FRMPD3: variants seen among roughly 807,000 people sequenced by gnomAD.
The protein encoded by FRMPD3 is FERM and PDZ domain-containing protein 3.
Under a neutral mutation model 97.9 loss-of-function variants are expected in FRMPD3, and 42 were observed. The observed-to-expected ratio is 0.43, with a 90% CI of 0.34 to 0.55. The LOEUF is 0.55. FRMPD3 is among the 20% of genes least tolerant of loss of function. FRMPD3 has a pLI of 0.03. For synonymous variants in FRMPD3, 577 were observed against 581.1 expected (o/e 0.99, Z 0.10); for missense variants, 1,303 against 1,457.7 (o/e 0.89, Z 1.73).
At position 107,598,775 on chromosome X, in the gene FRMPD3, G is replaced by A. The variant is rs540528456; in HGVS notation, c.2263+633G>A. On this transcript the variant is annotated intron_variant, in intron 14 of 14. Transcript: ENST00000683843. ...ACAAGGATTGAATGAGATCATTCATGCAAAGCATGTAAGCACTGCCTAGCA... is the reference window on the plus strand; with the variant it reads ...ACAAGGATTGAATGAGATCATTCATACAAAGCATGTAAGCACTGCCTAGCA... 2.7e-5 allele frequency among the ~76,000 whole-genome samples: 3 copies of A among 112,629 alleles called. No individual in the cohort carries two copies. In the Middle Eastern group the frequency reaches 0.014, roughly 514 times the overall value.
chrX:107,507,775 C>T (rs2147532811), intron 1 of FRMPD3, among the ~76,000 whole-genome samples: 1 of 112,436 alleles, frequency 8.9e-6, no homozygotes, highest in South Asian at 3.7e-4. Context: ...ATCCTAAAGG[C>T]GAGTTTATCC....
chrX:107,457,293 T>C, intron 1 of FRMPD3, among the ~76,000 whole-genome samples: 2 of 112,068 alleles, frequency 1.8e-5, no homozygotes, highest in Middle Eastern at 4.6e-3. Context: ...AAACATTTGA[T>C]AATGTTTGGA....
rs191101050 is a variant in FRMPD3, at chrX:107,457,137, T to C, written c.-8+7132T>C. Reference sequence around the variant, plus strand: ...TACCAATGTCATCCTATGAGAAGGATGAGTTTTTAATGAGAGCAGCAGGTA... The same window carrying C: ...TACCAATGTCATCCTATGAGAAGGACGAGTTTTTAATGAGAGCAGCAGGTA... On this transcript the variant is annotated intron_variant, in intron 1 of 14. Transcript: ENST00000683843. Among the ~76,000 whole-genome samples, 14 of 110,884 alleles carry C rather than the reference T, an allele frequency of 1.3e-4. 1 individual carries two copies. Among genetic ancestry groups the C allele is most frequent in the African/African-American group, 4.6e-4 (14 of 30,552 alleles).
chrX:107,488,384 G>C (rs896977732), intron 1 of FRMPD3, among the ~76,000 whole-genome samples: 1 of 112,349 alleles, frequency 8.9e-6, no homozygotes, highest in Non-Finnish European at 1.9e-5. Context: ...TTGCAGGGGA[G>C]GCCCAAAGTT....
At chrX:107,533,240 G>GA (rs1276679854) in intron 3 of FRMPD3, among the ~76,000 whole-genome samples, 1 of 111,801 alleles carries the variant, frequency 8.9e-6, no homozygotes, top group African/African-American at 3.3e-5. Context: ...ATGTGAGAAG[G>GA]AATATGAAAA....
At chrX:107,474,400 G>A (rs1455527459) in intron 1 of FRMPD3, among the ~76,000 whole-genome samples, 1 of 111,081 alleles carries the variant, frequency 9.0e-6, no homozygotes, top group African/African-American at 3.3e-5. Flanking sequence ...GGTGGAAGGA[G>A]AATAAAGAAG....
chrX:107,568,077 A>G (rs1388321542), intron 12 of FRMPD3, among the ~76,000 whole-genome samples: 2 of 110,630 alleles, frequency 1.8e-5, no homozygotes, highest in Non-Finnish European at 3.8e-5. Context: ...GAATGGTACT[A>G]TGTGCCCAGC....
intron 1 of FRMPD3, among the ~76,000 whole-genome samples, chrX:107,476,073 C>T (rs938599757): frequency 9.0e-6 from 1 of 111,490 alleles, no homozygotes; most frequent in Non-Finnish European, 1.9e-5. Flanking sequence ...TTAGTAGAGA[C>T]GGGTTTTCAC....
At chrX:107,570,289 A>G (rs778700791) in intron 12 of FRMPD3, among the ~76,000 whole-genome samples, 4 of 100,217 alleles carry the variant, frequency 4.0e-5, no homozygotes, top group Admixed American at 1.1e-4. Context: ...CTGAAGAAGG[A>G]CTGTCTGAAC....
chrX:107,458,126 G>A (rs953189262), intron 1 of FRMPD3, among the ~76,000 whole-genome samples: 5 of 111,285 alleles, frequency 4.5e-5, no homozygotes, highest in Admixed American at 3.8e-4. Flanking sequence ...AATGAACAGC[G>A]GAGATCCTTA....
At position 107,601,394 on chromosome X, in the gene FRMPD3, G is replaced by A. The variant is rs768248131; in HGVS notation, c.3355G>A (p.Glu1119Lys). The change falls in exon 15 of 15, where the codon GAA becomes AAA. Residue 1119 changes from glutamate to lysine, a missense_variant. Glu to Lys is a moderately conservative substitution (Grantham distance 56). This residue lies in a region of FRMPD3 where 764 missense variants were observed against 820.2 expected (regional missense o/e 0.93). Coordinates refer to ENST00000683843, the MANE Select transcript of FRMPD3 (RefSeq NM_001388459.1). ...GAGCACACCCAAAAGAAGCAAGCTC[G>A]AAGAGACCAGCCTGGTTCCCCGAGC... ...LESTPKRSKL[E>K]ETSLVPRATY... 8 of 1,203,385 alleles carry A rather than the reference G, an allele frequency of 6.6e-6. No homozygotes were observed. The highest frequency in any genetic ancestry group is 2.3e-4 in the Middle Eastern group (1 of 4,346).
chrX:107,476,360 A>G (rs1261172485), intron 1 of FRMPD3, among the ~76,000 whole-genome samples: 1 of 112,648 alleles, frequency 8.9e-6, no homozygotes, highest in Non-Finnish European at 1.9e-5. Flanking sequence ...TGATCAATCA[A>G]TAGATCGAAT....
chrX:107,460,421 C>T (rs778650193), intron 1 of FRMPD3, among the ~76,000 whole-genome samples: 36 of 108,440 alleles, frequency 3.3e-4, no homozygotes, highest in Non-Finnish European at 5.2e-4. Flanking sequence ...GACAGGATCT[C>T]GGTCTGTTGC....
Position 107,449,898 on chromosome X carries a change from TGCCGCCGCC to T in FRMPD3, c.-100_-92del, listed in dbSNP as rs895928073. Among the ~76,000 whole-genome samples the T allele has an allele frequency of 9.3e-6, 1 of 107,661 alleles. No homozygotes were observed. Among genetic ancestry groups the T allele is most frequent in the African/African-American group, 3.3e-5 (1 of 29,932 alleles). 93.5% of individuals were successfully genotyped at this position (107,661 alleles called of 115,157 possible). On this transcript the variant is annotated 5_prime_UTR_variant, in exon 1 of 15. Transcript: ENST00000683843. ...GGGGGCACGGGTGCCCTAGTCCCGC[TGCCGCCGCC>T]GCCGCCGCCGCCGCTGCGCCGCCGC... is the stretch of plus-strand genomic sequence containing the variant.
At position 107,480,911 on chromosome X, in the gene FRMPD3, A is replaced by G. The variant is rs866206064; in HGVS notation, c.-8+30906A>G. 8.0e-3 allele frequency among the ~76,000 whole-genome samples: 785 copies of G among 97,639 alleles called. 2 individuals are homozygous for G. Among genetic ancestry groups the G allele is most frequent in the African/African-American group, 0.016 (384 of 24,158 alleles). The allele number at this position is 97,639 out of a possible 115,157, so 84.8% of individuals were successfully genotyped here. A position where few individuals can be genotyped will look rare whatever the true frequency, so the allele number is the denominator to read the frequency against. On this transcript the variant is annotated intron_variant, in intron 1 of 14. Transcript: ENST00000683843. Reference sequence around the variant, plus strand: ...AGGAAGGAAGGAAAGAAAGAAAGAAAGAAAGAAAGAAAGAAAGAAAGAAAG... The same window carrying G: ...AGGAAGGAAGGAAAGAAAGAAAGAAGGAAAGAAAGAAAGAAAGAAAGAAAG...
intron 1 of FRMPD3, among the ~76,000 whole-genome samples, chrX:107,480,943 A>G (rs1401164917): frequency 1.8e-5 from 2 of 110,570 alleles, no homozygotes; most frequent in East Asian, 5.6e-4. Context: ...AAAGAAAGAA[A>G]GAAAGAAAGA....
At chrX:107,518,165 T>G (rs1922403864) in intron 1 of FRMPD3, among the ~76,000 whole-genome samples, 1 of 111,573 alleles carries the variant, frequency 9.0e-6, no homozygotes, top group African/African-American at 3.3e-5. Flanking sequence ...TGCTGGCAGA[T>G]GGGCATCTAT....
intron 13 of FRMPD3, among the ~76,000 whole-genome samples, chrX:107,578,093 T>A (rs1923211027): frequency 1.8e-5 from 2 of 111,709 alleles, no homozygotes; most frequent in African/African-American, 6.5e-5. Context: ...TCTTCCTCTC[T>A]CTAATCACAT....
At chrX:107,594,660 T>C (rs915184520) in intron 13 of FRMPD3, among the ~76,000 whole-genome samples, 13 of 112,131 alleles carry the variant, frequency 1.2e-4, no homozygotes, top group Admixed American at 9.5e-4. Flanking sequence ...GGTAGGCAGA[T>C]TACTTGAGGT....
Sources: allele counts gnomAD v4.1 joint callset (sites outside exome capture counted in the v4.1 genomes callset), GRCh38; gene constraint gnomAD v4.1.1; regional missense constraint gnomAD v4.1.1; transcripts MANE v1.5; gene names NCBI Gene and HGNC (gene_info 2026-07-23, HGNC 2026-07-21).